PTPRN2: variants seen among roughly 807,000 people sequenced by gnomAD.
PTPRN2 encodes protein tyrosine phosphatase receptor type N2, also known as receptor-type tyrosine-protein phosphatase N2.
PTPRN2 carries 74 observed loss-of-function variants against 118.8 expected under a neutral mutation model. That is an observed-to-expected ratio of 0.62 (90% CI 0.52 to 0.76). PTPRN2 has a LOEUF of 0.76. Among genes scored for constraint, PTPRN2 ranks in the 30% least tolerant of loss-of-function variants. The probability of loss-of-function intolerance (pLI) is 0.00; values close to 1 mark genes in which losing one functional copy is unlikely to be tolerated. For missense variants in PTPRN2, 1,481 were observed against 1,394.4 expected, an observed-to-expected ratio of 1.06 and a Z score of -0.99; for synonymous variants, 641 against 608.0, an observed-to-expected ratio of 1.05 and a Z score of -0.80.
chr7:157,612,054 T>C (rs1292892888), intron 15 of PTPRN2, among the ~76,000 whole-genome samples: 1 of 152,152 alleles, frequency 6.6e-6, no homozygotes, highest in Non-Finnish European at 1.5e-5. Context: ...ACACTGCCCA[T>C]CCCTGGCGCT....
At chr7:157,759,601 G>A (rs1248399289) in intron 12 of PTPRN2, among the ~76,000 whole-genome samples, 3 of 152,352 alleles carry the variant, frequency 2.0e-5, no homozygotes, top group Middle Eastern at 3.4e-3. Context: ...GTGTGACTCA[G>A]ACATGTGGGG....
At chr7:157,686,512 G>T (rs1797202034) in intron 12 of PTPRN2, among the ~76,000 whole-genome samples, 2 of 152,186 alleles carry the variant, frequency 1.3e-5, no homozygotes, top group Admixed American at 1.3e-4. Context: ...TCTTGACCCA[G>T]GTGTGGCTTT....
At position 158,309,849 on chromosome 7, in the gene PTPRN2, C is replaced by T. The variant is rs533533943; in HGVS notation, c.277+6970G>A. Among the ~76,000 whole-genome samples the T allele has an allele frequency of 7.9e-5, 12 of 152,284 alleles. No homozygotes were observed. The East Asian group carries it at 2.1e-3, about 27-fold the overall frequency. ...CAAACGTACGTGCTGGAATTCTGAT[C>T]CCCAGTGTGACAGCATTAGGAGGTG... is the stretch of plus-strand genomic sequence containing the variant. On this transcript the variant is annotated intron_variant, in intron 3 of 22. Coordinates refer to ENST00000389418, the MANE Select transcript of PTPRN2 (RefSeq NM_002847.5).
chr7:158,461,495 CAA>C (rs71200029), intron 2 of PTPRN2, among the ~76,000 whole-genome samples: 11 of 133,876 alleles, frequency 8.2e-5, no homozygotes, highest in African/African-American at 5.6e-5. Flanking sequence ...GACTCCGTCT[CAA>C]AAAAAAAAAA....
At chr7:157,547,596 T>C (rs922981260) in intron 22 of PTPRN2, among the ~76,000 whole-genome samples, 1 of 151,926 alleles carries the variant, frequency 6.6e-6, no homozygotes, top group African/African-American at 2.4e-5. Flanking sequence ...TGCCGAATGC[T>C]GTTGTGAACA....
intron 12 of PTPRN2, among the ~76,000 whole-genome samples, chr7:157,852,843 C>G (rs1053922708): frequency 7.2e-6 from 1 of 138,022 alleles, no homozygotes; most frequent in African/African-American, 2.8e-5. Flanking sequence ...CACTCCAGCT[C>G]GGCAACACAG....
At chr7:157,894,241 C>T (rs1796977262) in intron 12 of PTPRN2, among the ~76,000 whole-genome samples, 2 of 152,230 alleles carry the variant, frequency 1.3e-5, no homozygotes, top group Admixed American at 1.3e-4. Flanking sequence ...TCTCCAGACT[C>T]CAAAACTGAG....
At chr7:157,712,833 C>G (rs1798717524) in intron 12 of PTPRN2, among the ~76,000 whole-genome samples, 1 of 150,832 alleles carries the variant, frequency 6.6e-6, no homozygotes, top group African/African-American at 2.4e-5. Context: ...GAGGCAGGGA[C>G]TGGAGTGGGG....
chr7:158,091,235 T>C (rs1814094594), intron 10 of PTPRN2, among the ~76,000 whole-genome samples: 1 of 152,254 alleles, frequency 6.6e-6, no homozygotes, highest in South Asian at 2.1e-4. Flanking sequence ...AGTTAACAAG[T>C]TTGTAGTCCG....
At chr7:158,333,534 C>A (rs1219188232) in intron 2 of PTPRN2, among the ~76,000 whole-genome samples, 1 of 136,478 alleles carries the variant, frequency 7.3e-6, no homozygotes, top group Non-Finnish European at 1.5e-5. Flanking sequence ...ACCTGACACT[C>A]GCAGACGTCA....
rs911472207 is a variant in PTPRN2 at position 157,763,136 on chromosome 7, G to A, written c.1789-80199C>T. On this transcript the variant is annotated intron_variant, in intron 12 of 22. Transcript: ENST00000389418. This position sits in a 1 kb window ranked among gnomAD's most constrained non-coding sequence, Gnocchi z 4.9. ...GCCGCCCACTCATGGTCGGTCACAG[G>A]GTTAACCCTCCATCAGAGCCCATGG... Among the ~76,000 whole-genome samples, 1 of 151,830 alleles carries A rather than the reference G, an allele frequency of 6.6e-6. No homozygotes were observed. The highest frequency in any genetic ancestry group is 1.5e-5 in the Non-Finnish European group (1 of 67,974).
At chr7:157,980,610 G>A (rs1384768879) in intron 11 of PTPRN2, among the ~76,000 whole-genome samples, 1 of 152,114 alleles carries the variant, frequency 6.6e-6, no homozygotes, top group African/African-American at 2.4e-5. Context: ...AATTAGCTGG[G>A]CATGGTGGCA....
At chr7:158,417,218 A>T (rs1814744889) in intron 2 of PTPRN2, among the ~76,000 whole-genome samples, 1 of 151,600 alleles carries the variant, frequency 6.6e-6, no homozygotes, top group African/African-American at 2.4e-5. Context: ...GTGCACTACA[A>T]CAAGATGCTC....
intron 3 of PTPRN2, among the ~76,000 whole-genome samples, chr7:158,254,709 C>T (rs1226075546): frequency 3.3e-5 from 5 of 152,144 alleles, no homozygotes; most frequent in Admixed American, 3.3e-4. Flanking sequence ...CACAGAGCCA[C>T]CGCTGCACAC....
chr7:158,238,992 T>C (rs11764895), intron 3 of PTPRN2, among the ~76,000 whole-genome samples: 1 of 152,158 alleles, frequency 6.6e-6, no homozygotes, highest in Non-Finnish European at 1.5e-5. Context: ...AAGAGGGTGC[T>C]GGCCTCAGAG....
intron 11 of PTPRN2, among the ~76,000 whole-genome samples, chr7:158,077,753 A>G (rs540434123): frequency 2.6e-4 from 39 of 152,382 alleles, no homozygotes; most frequent in Non-Finnish European, 4.9e-4. Context: ...ACTGGGAGCC[A>G]GCAAAAGCAA....
At chr7:157,602,246 C>A (rs1044729582) in intron 16 of PTPRN2, among the ~76,000 whole-genome samples, 7 of 152,258 alleles carry the variant, frequency 4.6e-5, no homozygotes, top group African/African-American at 1.7e-4. Flanking sequence ...AATTCAGTCT[C>A]TCAAAGCTGA....
rs969011996 is a variant in PTPRN2, at chr7:158,386,430, G to A, written c.164-69498C>T. On this transcript the variant is annotated intron_variant, in intron 2 of 22. Transcript: ENST00000389418. ...CCCAGAGTCCCTCCTCCCATGCCCC[G>A]AGTCCCTCCTCCCATGGTGCAGGAG... Among the ~76,000 whole-genome samples, 201 of 147,354 alleles carry A rather than the reference G, an allele frequency of 1.4e-3. 1 individual carries two copies. The highest frequency in any genetic ancestry group is 4.8e-3 in the African/African-American group (190 of 39,756).
chr7:157,823,411 C>G (rs1032038788), intron 12 of PTPRN2, among the ~76,000 whole-genome samples: 1 of 152,224 alleles, frequency 6.6e-6, no homozygotes, highest in African/African-American at 2.4e-5. Flanking sequence ...TGACAATGAG[C>G]GTCCGTACCT....
Sources: gnomAD v4.1 joint callset for allele counts (sites outside exome capture counted in the v4.1 genomes callset) on GRCh38, gnomAD v4.1.1 for gene constraint, Gnocchi (gnomAD v3.1) non-coding constraint, MANE v1.5 for transcripts, NCBI Gene and HGNC (gene_info 2026-07-23, HGNC 2026-07-21) for gene names.